Variants in CCDC150 observed in about 807,000 individuals in gnomAD.
CCDC150 encodes the protein coiled-coil domain-containing protein 150.
Under a neutral mutation model 156.5 loss-of-function variants are expected in CCDC150, and 151 were observed. The observed-to-expected ratio is 0.97, with a 90% confidence interval of 0.85 to 1.10. The LOEUF is 1.10. CCDC150 is among the 50% of genes least tolerant of loss of function. The pLI, the probability that CCDC150 is intolerant of heterozygous loss-of-function variation, is 0.00. For missense variants in CCDC150, 1,312 were observed against 1,268.1 expected, an observed-to-expected ratio of 1.03 and a Z score of -0.53; for synonymous variants, 452 against 429.4, an observed-to-expected ratio of 1.05 and a Z score of -0.65.
intron 15 of CCDC150, among the ~76,000 whole-genome samples, chr2:196,703,418 A>T (rs1294539418): frequency 6.6e-6 from 1 of 152,198 alleles, no homozygotes; most frequent in Non-Finnish European, 1.5e-5. Context: ...GATGCATTTA[A>T]ATATTATCTA....
intron 1 of CCDC150, among the ~76,000 whole-genome samples, chr2:196,644,338 C>T (rs909577227): frequency 2.6e-5 from 4 of 152,172 alleles, no homozygotes; most frequent in African/African-American, 7.2e-5. Flanking sequence ...AGGTCAGTAG[C>T]TGGACAGCAG....
In CCDC150 at chr2:196,646,809, C is replaced by T. The variant is rs1176281188; in HGVS notation, c.176+305C>T. Among the ~76,000 whole-genome samples the T allele has an allele frequency of 2.7e-5, 3 of 112,386 alleles. No homozygotes were observed. The Admixed American group carries it at 3.3e-4, about 12-fold the overall frequency. 73.7% of individuals were successfully genotyped at this position (112,386 alleles called of 152,430 possible). A position where few individuals can be genotyped will look rare whatever the true frequency, so the allele number is the denominator to read the frequency against. ...TTCATGTAATAAAAAAAGATTTGTT[C>T]TCATTTTAAAATAAAAAGAGACATA... is the stretch of plus-strand genomic sequence containing the variant. On this transcript the variant is annotated intron_variant, in intron 2 of 27. Coordinates refer to ENST00000389175, the MANE Select transcript of CCDC150 (RefSeq NM_001080539.2).
At position 196,732,658 on chromosome 2, in the gene CCDC150, A is replaced by C. The variant is rs79870204; in HGVS notation, c.*96A>C. On this transcript the variant is annotated 3_prime_UTR_variant, in exon 28 of 28. Coordinates refer to ENST00000389175, the MANE Select transcript of CCDC150 (RefSeq NM_001080539.2). ...GGCCTGTTTCTAGAGTCATAAGAAC[A>C]TGAAGTCTTTGATGTGGGCTGAAGA... 1.2e-6 allele frequency: 1 copy of C among 807,028 alleles called. No homozygotes were observed. Among genetic ancestry groups the C allele is most frequent in the African/African-American group, 1.7e-5 (1 of 58,640 alleles). 50.0% of individuals were successfully genotyped at this position (807,028 alleles called of 1,614,324 possible).
chr2:196,670,807 G>A (rs1452999127), intron 8 of CCDC150, among the ~76,000 whole-genome samples: 1 of 151,958 alleles, frequency 6.6e-6, no homozygotes, highest in Non-Finnish European at 1.5e-5. Context: ...AATTCTAACT[G>A]GAATCTCAAT....
intron 19 of CCDC150, 80 bp downstream of exon 19, chr2:196,719,746 CT>C: frequency 1.1e-6 from 1 of 937,732 alleles, no homozygotes; most frequent in Non-Finnish European, 1.4e-6. Flanking sequence ...AATGAAGTCA[CT>C]TTATGTAGCT....
chr2:196,664,378 G>A (rs1053367398), intron 5 of CCDC150, among the ~76,000 whole-genome samples: 2 of 152,136 alleles, frequency 1.3e-5, no homozygotes, highest in East Asian at 1.9e-4. Flanking sequence ...TAATTTGCTG[G>A]AACAGCTCAG....
chr2:196,671,539 T>C (rs113600084), intron 8 of CCDC150, among the ~76,000 whole-genome samples: 4,646 of 148,764 alleles, frequency 0.031, 119 homozygotes, highest in Non-Finnish European at 0.038. Flanking sequence ...GCGATTCTCC[T>C]GTCTCAGCCT....
intron 8 of CCDC150, among the ~76,000 whole-genome samples, chr2:196,671,426 T>A (rs985967357): frequency 3.8e-5 from 4 of 104,586 alleles, no homozygotes; most frequent in African/African-American, 1.1e-4. Flanking sequence ...CTTTTCTCTC[T>A]CTTTTTTTTT....
chr2:196,656,896 G>T (rs1693231584), intron 3 of CCDC150, 43 bp downstream of exon 3: 8 of 1,610,378 alleles, frequency 5.0e-6, no homozygotes, highest in Non-Finnish European at 6.8e-6. Context: ...CTGTATAGGT[G>T]CTTGATTTTC....
At chr2:196,663,399 G>T (rs901685760) in intron 5 of CCDC150, among the ~76,000 whole-genome samples, 3 of 152,062 alleles carry the variant, frequency 2.0e-5, no homozygotes, top group African/African-American at 7.2e-5. Flanking sequence ...AAATTATTAA[G>T]ATGTTAGTTT....
chr2:196,691,450 A>G (rs939613281), intron 13 of CCDC150, among the ~76,000 whole-genome samples: 5 of 152,120 alleles, frequency 3.3e-5, no homozygotes, highest in Admixed American at 3.3e-4. Flanking sequence ...GGGTGTATAT[A>G]TCTAGGAATT....
chr2:196,710,308 G>C (rs578059378), intron 15 of CCDC150, among the ~76,000 whole-genome samples: 5 of 152,284 alleles, frequency 3.3e-5, no homozygotes, highest in African/African-American at 4.8e-5. Flanking sequence ...CGCCAAGCCA[G>C]GCGCAGGATA....
chr2:196,680,389 C>T (rs1018240167), intron 13 of CCDC150, among the ~76,000 whole-genome samples: 3 of 152,128 alleles, frequency 2.0e-5, no homozygotes, highest in East Asian at 1.9e-4. Context: ...CTCCACCCCC[C>T]CAGGCTCAGG....
chr2:196,699,815 C>T (rs892498236), intron 14 of CCDC150, among the ~76,000 whole-genome samples: 1 of 152,126 alleles, frequency 6.6e-6, no homozygotes, highest in Admixed American at 6.5e-5. Context: ...CCACTGTGCC[C>T]AGCTTAGTGT....
At chr2:196,721,369 T>TATATATATATATATATATATATATATA (rs1559276170) in intron 20 of CCDC150, among the ~76,000 whole-genome samples, 153 bp from the exon 21 acceptor site, 2 of 141,714 alleles carry the variant, frequency 1.4e-5, no homozygotes, top group African/African-American at 2.5e-5. Context: ...TATATATATA[T>TATATATATATATATATATATATATATA]TTTCCAGGCA....
chr2:196,713,189 ATTTTACAG>A (rs1477942381), intron 17 of CCDC150: 7 of 1,077,410 alleles, frequency 6.5e-6, no homozygotes, highest in Non-Finnish European at 8.7e-6. Flanking sequence ...GCTGGGTCAT[ATTTTACAG>A]TGTGATCTCT....
rs1373657442 is a variant in CCDC150, at chr2:196,725,831, TAGTG to T, written c.2430-139_2430-136del. ...TTTCTTCTGTTAATGAGCTCCAAATTAGTGAGGTTCACCAGGCTACTGATAGGCT... is the reference window on the plus strand; with the variant it reads ...TTTCTTCTGTTAATGAGCTCCAAATTAGGTTCACCAGGCTACTGATAGGCT... On this transcript the variant is annotated intron_variant, in intron 21 of 27. Transcript: ENST00000389175. 9 of 616,780 alleles carry T rather than the reference TAGTG, an allele frequency of 1.5e-5. No homozygotes were observed. In the South Asian group the frequency reaches 2.6e-4, roughly 18 times the overall value. 38.2% of individuals were successfully genotyped at this position (616,780 alleles called of 1,614,324 possible).
intron 17 of CCDC150, among the ~76,000 whole-genome samples, chr2:196,715,002 G>A (rs1478739038): frequency 3.3e-5 from 5 of 152,068 alleles, no homozygotes; most frequent in South Asian, 2.1e-4. Flanking sequence ...GTTTTATAAC[G>A]TTGAGGTAGA....
At chr2:196,683,684 A>G (rs1694971346) in intron 13 of CCDC150, among the ~76,000 whole-genome samples, 1 of 151,746 alleles carries the variant, frequency 6.6e-6, no homozygotes, top group Non-Finnish European at 1.5e-5. Context: ...TTGGTTTATT[A>G]TTTTTATTCT....
Sources: gnomAD v4.1 joint callset for allele counts (sites outside exome capture counted in the v4.1 genomes callset) on GRCh38, gnomAD v4.1.1 for gene constraint, MANE v1.5 for transcripts, NCBI Gene and HGNC (gene_info 2026-07-23, HGNC 2026-07-21) for gene names.